GALNT18: variants seen among roughly 807,000 people sequenced by gnomAD.
GALNT18 encodes GalNAc-transferase 18.
A neutral mutation model predicts 69.5 loss-of-function variants in GALNT18; 44 were observed. The ratio of observed to expected loss-of-function variants is 0.63; its 90% CI spans 0.50 to 0.81. The LOEUF (loss-of-function observed/expected upper bound fraction) is 0.81. Ranked by LOEUF, GALNT18 falls within the 40% of genes least tolerant of loss-of-function variation. The pLI is 0.00. For synonymous variants in GALNT18, 364 were observed against 318.2 expected (o/e 1.14, Z -1.53); for missense variants, 715 against 810.0 (o/e 0.88, Z 1.42).
chr11:11,279,260 CTCTTT>C (rs769871338), intron 10 of GALNT18, among the ~76,000 whole-genome samples: 231 of 152,242 alleles, frequency 1.5e-3, no homozygotes, highest in Non-Finnish European at 2.6e-3. Flanking sequence ...CCAATTATAC[CTCTTT>C]TCTTTAATTT....
chr11:11,282,371 C>G (rs1161847088), intron 10 of GALNT18, among the ~76,000 whole-genome samples: 1 of 152,216 alleles, frequency 6.6e-6, no homozygotes, highest in African/African-American at 2.4e-5. Flanking sequence ...TTGCCTAGTA[C>G]TATGCCAAAT....
chr11:11,290,921 G>T (rs558757670), intron 10 of GALNT18, among the ~76,000 whole-genome samples: 1 of 152,084 alleles, frequency 6.6e-6, no homozygotes, highest in African/African-American at 2.4e-5. Context: ...CACGGAGCCC[G>T]GAATATGCAC....
chr11:11,483,575 T>A (rs1297914040), intron 1 of GALNT18, among the ~76,000 whole-genome samples: 3 of 152,216 alleles, frequency 2.0e-5, no homozygotes, highest in Non-Finnish European at 4.4e-5. Context: ...TGGCCCAGCC[T>A]GCTCCTGGCC....
chr11:11,455,841 C>G (rs143661036), intron 1 of GALNT18, among the ~76,000 whole-genome samples: 3 of 152,220 alleles, frequency 2.0e-5, no homozygotes, highest in Non-Finnish European at 4.4e-5. Context: ...GTAAACTCAG[C>G]ACTTTGGGAG....
chr11:11,334,491 C>T (rs183584400), intron 7 of GALNT18, among the ~76,000 whole-genome samples: 9 of 151,004 alleles, frequency 6.0e-5, no homozygotes, highest in African/African-American at 1.7e-4. Context: ...TGCAGTGAGC[C>T]GAGATCGCAC....
chr11:11,322,684 T>C (rs898757178), intron 9 of GALNT18, among the ~76,000 whole-genome samples: 1 of 152,220 alleles, frequency 6.6e-6, no homozygotes, highest in Non-Finnish European at 1.5e-5. Context: ...AACTCTAATA[T>C]AAAGCTGGGA....
Position 11,332,924 on chromosome 11 carries a change from G to T in GALNT18, c.1279-93C>A. On this transcript the variant is annotated intron_variant, in intron 7 of 10. Transcript: ENST00000227756. This position sits in a 1 kb window ranked among gnomAD's most constrained non-coding sequence, Gnocchi z 4.3. The stretch of plus-strand genomic sequence containing the variant: ...TGGCATGACCTTGTGCCCCCAACAA[G>T]ATTCCTAGAGACTGGGGAAGGGACC... 1 of 1,398,820 alleles carries T rather than the reference G, an allele frequency of 7.1e-7. No homozygotes were observed. Among genetic ancestry groups the T allele is most frequent in the Non-Finnish European group, 9.9e-7 (1 of 1,005,958 alleles). The allele number at this position is 1,398,820 out of a possible 1,614,324, so 86.7% of individuals were successfully genotyped here. A position where few individuals can be genotyped will look rare whatever the true frequency, so the allele number is the denominator to read the frequency against.
chr11:11,418,253 T>C (rs1854912209), intron 3 of GALNT18, among the ~76,000 whole-genome samples: 1 of 152,194 alleles, frequency 6.6e-6, no homozygotes, highest in Admixed American at 6.5e-5. Flanking sequence ...ATCAAAGAAG[T>C]TGTCTCTATT....
chr11:11,516,916 A>G (rs1227907425), intron 1 of GALNT18, among the ~76,000 whole-genome samples: 2 of 152,348 alleles, frequency 1.3e-5, no homozygotes, highest in East Asian at 1.9e-4. Context: ...ATGAACCCAC[A>G]AAGTTCATAC....
At chr11:11,471,559 T>C (rs971878270) in intron 1 of GALNT18, among the ~76,000 whole-genome samples, 5 of 152,156 alleles carry the variant, frequency 3.3e-5, no homozygotes, top group Non-Finnish European at 5.9e-5. Context: ...CCCCTTTCCT[T>C]GTGCTTTTTG....
At position 11,280,261 on chromosome 11, in the gene GALNT18, G is replaced by C. The variant is rs141385778; in HGVS notation, c.1678-8971C>G. On this transcript the variant is annotated intron_variant, in intron 10 of 10. Transcript: ENST00000227756. ...CTGTTTGCCAGGGAGAAACCTGCAG[G>C]CTCGGCCTCTGAAAGGGGCCCTTGG... 1.4e-3 allele frequency among the ~76,000 whole-genome samples: 218 copies of C among 152,284 alleles called. 2 individuals carry two copies. The highest frequency in any genetic ancestry group is 0.01 in the Middle Eastern group (3 of 294).
In GALNT18 at chr11:11,511,282, C is replaced by T. The variant is rs942275724; in HGVS notation, c.236-62346G>A. Among the ~76,000 whole-genome samples the T allele has an allele frequency of 3.9e-5, 6 of 152,184 alleles. No homozygotes were observed. The highest frequency in any genetic ancestry group is 2.0e-4 in the Admixed American group (3 of 15,286). ...TGAAGGGACCGGCTGTCCAGCTTCA[C>T]GCAGGGAGGGCTCCTTGAAGCTAAT... On this transcript the variant is annotated intron_variant, in intron 1 of 10. Coordinates refer to ENST00000227756, the MANE Select transcript of GALNT18 (RefSeq NM_198516.3). This position sits in a 1 kb window ranked among gnomAD's most constrained non-coding sequence, Gnocchi z 4.9.
intron 2 of GALNT18, among the ~76,000 whole-genome samples, chr11:11,433,547 C>T (rs1479923846): frequency 6.6e-6 from 1 of 152,220 alleles, no homozygotes; most frequent in Non-Finnish European, 1.5e-5. Context: ...AAAGAGAATG[C>T]CCCTAACTGG....
Position 11,617,028 on chromosome 11 carries a change from C to T in GALNT18, c.235+4331G>A, listed in dbSNP as rs960789911. Among the ~76,000 whole-genome samples, 6 of 152,126 alleles carry T rather than the reference C, an allele frequency of 3.9e-5. No homozygotes were observed. The highest frequency in any genetic ancestry group is 5.9e-5 in the Non-Finnish European group (4 of 68,018). On this transcript the variant is annotated intron_variant, in intron 1 of 10. Transcript: ENST00000227756. This position sits in a 1 kb window ranked among gnomAD's most constrained non-coding sequence, Gnocchi z 4.7. ...TACACTGAGACTGCTTCATAAGCACCTTTAAGTTTCCAATGAATTTTAAAG... is the reference window on the plus strand; with the variant it reads ...TACACTGAGACTGCTTCATAAGCACTTTTAAGTTTCCAATGAATTTTAAAG...
At chr11:11,298,276 T>C (rs940963264) in intron 9 of GALNT18, among the ~76,000 whole-genome samples, 7 of 152,214 alleles carry the variant, frequency 4.6e-5, no homozygotes, top group Non-Finnish European at 7.3e-5. Context: ...AAAACACACA[T>C]AGTTTTGTGC....
chr11:11,506,978 C>A (rs545396933), intron 1 of GALNT18, among the ~76,000 whole-genome samples: 2 of 152,168 alleles, frequency 1.3e-5, no homozygotes, highest in African/African-American at 4.8e-5. Flanking sequence ...CCTTCAGGGT[C>A]GCTCCCAATA....
intron 1 of GALNT18, among the ~76,000 whole-genome samples, chr11:11,567,682 A>G (rs375282031): frequency 2.4e-4 from 36 of 152,252 alleles, no homozygotes; most frequent in African/African-American, 7.9e-4. Context: ...CCTCTTATGG[A>G]GGAGAAAAAT....
chr11:11,277,948 G>T (rs547607192), intron 10 of GALNT18, among the ~76,000 whole-genome samples: 1 of 152,154 alleles, frequency 6.6e-6, no homozygotes, highest in African/African-American at 2.4e-5. Flanking sequence ...GAATAAGTCC[G>T]ATGAGGTGCT....
chr11:11,356,226 A>AGAG lies in GALNT18; in HGVS notation c.1093-15225_1093-15223dup, dbSNP rs549136709. 6.4e-4 allele frequency among the ~76,000 whole-genome samples: 97 copies of AGAG among 152,316 alleles called. No individual in the cohort carries two copies. The highest frequency in any genetic ancestry group is 3.4e-3 in the Middle Eastern group (1 of 294). The stretch of plus-strand genomic sequence containing the variant: ...GTCCAAGGAAAACCACAGCAGTGTC[A>AGAG]GAGGAGGAGGAGAAGGAACCCTTGC... On this transcript the variant is annotated intron_variant, in intron 6 of 10. Transcript: ENST00000227756. The surrounding 1 kb of genome is among the most constrained non-coding windows in gnomAD (Gnocchi z 4.4).
Sources: gnomAD v4.1 joint callset for allele counts (sites outside exome capture counted in the v4.1 genomes callset) on GRCh38, gnomAD v4.1.1 for gene constraint, Gnocchi (gnomAD v3.1) non-coding constraint, MANE v1.5 for transcripts, NCBI Gene and HGNC (gene_info 2026-07-23, HGNC 2026-07-21) for gene names.